KIF4A: variants seen among roughly 807,000 people sequenced by gnomAD.
KIF4A encodes the protein kinesin family member 4A.
A neutral mutation model predicts 105.9 loss-of-function variants in KIF4A; 7 were observed. The observed-to-expected ratio is 0.07, with a 90% CI of 0.04 to 0.12. The LOEUF (loss-of-function observed/expected upper bound fraction) is 0.12. Ranked by LOEUF, KIF4A falls within the 10% of genes least tolerant of loss-of-function variation. The pLI is 1.00. For synonymous variants in KIF4A, 281 were observed against 331.3 expected, an observed-to-expected ratio of 0.85 and a Z score of 1.65; for missense variants, 558 against 929.2, an observed-to-expected ratio of 0.60 and a Z score of 5.19.
chrX:70,342,173 C>G (rs1235448078), intron 11 of KIF4A, among the ~76,000 whole-genome samples: 1 of 112,139 alleles, frequency 8.9e-6, no homozygotes, highest in Non-Finnish European at 1.9e-5. Context: ...TACATAAATC[C>G]CATTTTAAAA....
At chrX:70,347,844 G>A (rs1304289752) in intron 13 of KIF4A, among the ~76,000 whole-genome samples, 4 of 96,425 alleles carry the variant, frequency 4.1e-5, no homozygotes, top group Non-Finnish European at 8.3e-5. Flanking sequence ...GCGTGGTAGC[G>A]GGCGCCTGTA....
intron 15 of KIF4A, among the ~76,000 whole-genome samples, chrX:70,356,729 A>G (rs891734035): frequency 3.6e-5 from 4 of 112,139 alleles, no homozygotes; most frequent in African/African-American, 1.3e-4. Flanking sequence ...CAGTATAATT[A>G]TGTTACATTT....
At chrX:70,350,141 G>A (rs2086022527) in intron 13 of KIF4A, among the ~76,000 whole-genome samples, 1 of 108,576 alleles carries the variant, frequency 9.2e-6, no homozygotes, top group African/African-American at 3.4e-5. Context: ...CAGGTGGCTG[G>A]GAGGTGGAGG....
At chrX:70,341,436 A>G (rs943958934) in intron 10 of KIF4A, among the ~76,000 whole-genome samples, 4 of 111,529 alleles carry the variant, frequency 3.6e-5, no homozygotes, top group Non-Finnish European at 5.7e-5. Flanking sequence ...AAGAAAAGGG[A>G]CAGAACATGT....
At chrX:70,415,477 A>G in intron 28 of KIF4A, 1 of 176,328 alleles carries the variant, frequency 5.7e-6, no homozygotes, top group Non-Finnish European at 1.0e-5. Flanking sequence ...GCATGGTGGC[A>G]TGTGCTTGTG....
At chrX:70,420,040 T>C in intron 30 of KIF4A, 22 bp from the exon 31 acceptor site, 1 of 1,202,167 alleles carries the variant, frequency 8.3e-7, no homozygotes. Context: ...AGTCTATTCA[T>C]ACCTGTCTCT....
chrX:70,416,345 CTTTTTTTTTTTTTTT>C (rs376059238), intron 28 of KIF4A, among the ~76,000 whole-genome samples: 1 of 62,760 alleles, frequency 1.6e-5, no homozygotes, highest in East Asian at 5.0e-4. Flanking sequence ...TCTGCACAGT[CTTTTTTTTTTTTTTT>C]TTTTTTTTTT....
intron 15 of KIF4A, among the ~76,000 whole-genome samples, chrX:70,371,605 C>A (rs2086133706): frequency 9.5e-6 from 1 of 105,755 alleles, no homozygotes; most frequent in African/African-American, 3.5e-5. Context: ...GGGCGGGGGG[C>A]TGACCCCCCC....
intron 7 of KIF4A, among the ~76,000 whole-genome samples, chrX:70,322,210 A>G (rs944587994): frequency 1.8e-5 from 2 of 110,352 alleles, no homozygotes; most frequent in Non-Finnish European, 1.9e-5. Flanking sequence ...AATATAGTTG[A>G]CTGTGGGGAG....
chrX:70,372,015 G>A (rs2086139009), intron 15 of KIF4A, among the ~76,000 whole-genome samples: 1 of 107,929 alleles, frequency 9.3e-6, no homozygotes, highest in African/African-American at 3.4e-5. Flanking sequence ...GGGGCGGCAG[G>A]GCAGAGGCGC....
At chrX:70,370,442 A>T (rs1223946694) in intron 15 of KIF4A, among the ~76,000 whole-genome samples, 2 of 107,475 alleles carry the variant, frequency 1.9e-5, no homozygotes, top group African/African-American at 6.7e-5. Flanking sequence ...TATAGAATAT[A>T]TTTTTCTATA....
In KIF4A at chrX:70,373,536, A is replaced by G. The variant is rs867726940; in HGVS notation, c.1675-615A>G. On this transcript the variant is annotated intron_variant, in intron 15 of 30. Coordinates refer to ENST00000374403, the MANE Select transcript of KIF4A (RefSeq NM_012310.5). ...CATGTGTGTGTATGTATATATATAT[A>G]TATATATATATATATATATACGTAT... is the stretch of plus-strand genomic sequence containing the variant. Among the ~76,000 whole-genome samples, 2 of 35,794 alleles carry G rather than the reference A, an allele frequency of 5.6e-5. 1 individual carries two copies. Among genetic ancestry groups the G allele is most frequent in the Non-Finnish European group, 8.0e-5 (2 of 24,942 alleles). The allele number at this position is 35,794 out of a possible 115,157, so 31.1% of individuals were successfully genotyped here. A position where few individuals can be genotyped will look rare whatever the true frequency, so the allele number is the denominator to read the frequency against.
rs34615129 is a variant in KIF4A, at chrX:70,376,572, A to G, written c.2034+362A>G. Among the ~76,000 whole-genome samples the G allele has an allele frequency of 8.8e-3, 983 of 111,798 alleles. 4 individuals carry two copies. Among genetic ancestry groups the G allele is most frequent in the Middle Eastern group, 0.019 (4 of 214 alleles). On this transcript the variant is annotated intron_variant, in intron 18 of 30. Transcript: ENST00000374403. ...GCAAATTTGCAGTTGGAGTGAAAAG[A>G]TGATGGTTGAATAGGCCCTGAATAA...
intron 18 of KIF4A, among the ~76,000 whole-genome samples, chrX:70,379,312 A>G: frequency 8.9e-6 from 1 of 112,239 alleles, no homozygotes; most frequent in Admixed American, 9.5e-5. Flanking sequence ...CAAATTAGAT[A>G]GCCTAGATTA....
intron 15 of KIF4A, among the ~76,000 whole-genome samples, chrX:70,372,537 G>C: frequency 8.7e-6 from 1 of 114,420 alleles, no homozygotes; most frequent in East Asian, 2.7e-4. Flanking sequence ...CAGGCACTAG[G>C]CAGGCTGAGG....
At chrX:70,364,119 C>A (rs950187575) in intron 15 of KIF4A, among the ~76,000 whole-genome samples, 70 of 111,711 alleles carry the variant, frequency 6.3e-4, no homozygotes, top group Non-Finnish European at 1.2e-3. Flanking sequence ...TGTTTGAGTT[C>A]ATTGTAGATT....
At chrX:70,361,744 C>A (rs1179562548) in intron 15 of KIF4A, 1 of 117,450 alleles carries the variant, frequency 8.5e-6, no homozygotes, top group African/African-American at 3.2e-5. Context: ...AGAAGCCTGG[C>A]AACCTTGAAT....
chrX:70,322,094 C>T (rs375198463), intron 7 of KIF4A, among the ~76,000 whole-genome samples: 6 of 109,947 alleles, frequency 5.5e-5, no homozygotes, highest in Non-Finnish European at 7.6e-5. Context: ...CCCTCCCCCC[C>T]CAAAGTGGTT....
At chrX:70,348,545 G>A (rs1171602289) in intron 13 of KIF4A, among the ~76,000 whole-genome samples, 1 of 110,672 alleles carries the variant, frequency 9.0e-6, no homozygotes, top group Non-Finnish European at 1.9e-5. Flanking sequence ...ATTAGGGAGT[G>A]ATGATGACTC....
Sources: gnomAD v4.1 joint callset for allele counts (sites outside exome capture counted in the v4.1 genomes callset) on GRCh38, gnomAD v4.1.1 for gene constraint, MANE v1.5 for transcripts, NCBI Gene and HGNC (gene_info 2026-07-23, HGNC 2026-07-21) for gene names.